Variants in MBIP observed in about 807,000 individuals in gnomAD.
MBIP encodes the protein MAP3K12 binding inhibitory protein 1.
A neutral mutation model predicts 45.7 loss-of-function variants in MBIP; 32 were observed. The observed-to-expected ratio is 0.70, with a 90% CI of 0.53 to 0.94. The LOEUF (loss-of-function observed/expected upper bound fraction) is 0.94, where lower values mean the gene tolerates loss of function less well. Ranked by LOEUF, MBIP falls within the 40% of genes least tolerant of loss-of-function variation. MBIP has a pLI of 0.00. For synonymous variants in MBIP, 145 were observed against 141.0 expected, an observed-to-expected ratio of 1.03 and a Z score of -0.20; for missense variants, 381 against 405.5, an observed-to-expected ratio of 0.94 and a Z score of 0.52.
chr14:36,307,918 T>C, intron 7 of MBIP, 174 bp downstream of exon 7: 1 of 391,566 alleles, frequency 2.6e-6, no homozygotes, highest in Non-Finnish European at 4.5e-6. Flanking sequence ...TTAAAAATAT[T>C]CAGAACCAGA....
rs1045007976 is a variant in MBIP at position 36,312,012 on chromosome 14, G to A, written c.584C>T (p.Ala195Val). ...VIDCNQENSC[A>V]RTDAIFTPYP... ...AGGGGTAAAAATCGCATCAGTTCTT[G>A]CACAACTATTTTCTAAGGAGAATTT... Residue 195 changes from alanine to valine, a missense_variant, in exon 5 of 9, where the codon GCA becomes GTA. Ala to Val is a moderately conservative substitution (Grantham distance 64, BLOSUM62 0). Coordinates refer to ENST00000416007, the MANE Select transcript of MBIP (RefSeq NM_016586.3). 1 of 1,580,240 alleles carries A rather than the reference G, an allele frequency of 6.3e-7. No homozygotes were observed. The highest frequency in any genetic ancestry group is 8.6e-7 in the Non-Finnish European group (1 of 1,163,814).
At chr14:36,309,327 A>G (rs1180672292) in intron 6 of MBIP, among the ~76,000 whole-genome samples, 1 of 152,030 alleles carries the variant, frequency 6.6e-6, no homozygotes, top group African/African-American at 2.4e-5. Context: ...TTTCTGTATT[A>G]TTTGTTTCCC....
chr14:36,311,426 G>A, intron 6 of MBIP, 147 bp downstream of exon 6: 1 of 631,794 alleles, frequency 1.6e-6, no homozygotes, highest in East Asian at 2.8e-5. Context: ...TAAGTGAATT[G>A]ACATACACAT....
chr14:36,314,890 G>A lies in MBIP; in HGVS notation c.275C>T (p.Pro92Leu), dbSNP rs760420589. The change falls in exon 3 of 9, where the codon CCG becomes CTG. Residue 92 changes from proline (P) to leucine (L), a missense_variant. Transcript: ENST00000416007. ...AGCAGTTGTATTCTCCTCTTTAATC[G>A]GAGACTGAAGTTTTGCTAAAAAAGG... ...LQPFLAKLQSPIKEENTTAVE... is the reference protein window; with the variant it reads ...LQPFLAKLQSLIKEENTTAVE... The A allele has an allele frequency of 3.0e-5, 48 of 1,612,288 alleles. No individual in the cohort carries two copies. The highest frequency in any genetic ancestry group is 2.7e-4 in the East Asian group (12 of 44,826).
At chr14:36,312,786 G>T (rs1295062757) in intron 4 of MBIP, among the ~76,000 whole-genome samples, 1 of 137,886 alleles carries the variant, frequency 7.3e-6, no homozygotes. Context: ...ATTAACATAC[G>T]ATACTACATA....
intron 7 of MBIP, among the ~76,000 whole-genome samples, chr14:36,302,441 G>A (rs893745568): frequency 6.1e-5 from 9 of 147,236 alleles, no homozygotes; most frequent in Admixed American, 4.8e-4. Context: ...GCAGTGAGCC[G>A]AGACTGCACC....
rs376202361 is a variant in MBIP, at chr14:36,299,048, C to T, written c.*35G>A. 2 of 1,499,554 alleles carry T rather than the reference C, an allele frequency of 1.3e-6. No individual in the cohort carries two copies. Among genetic ancestry groups the T allele is most frequent in the Non-Finnish European group, 9.3e-7 (1 of 1,076,704 alleles). 92.9% of individuals were successfully genotyped at this position (1,499,554 alleles called of 1,614,324 possible). A position where few individuals can be genotyped will look rare whatever the true frequency, so the allele number is the denominator to read the frequency against. On this transcript the variant is annotated 3_prime_UTR_variant, in exon 9 of 9. Transcript: ENST00000416007. ...ACAGTGTAAGTTACACATATGTATACAAAAAAGTAAAATGACAAGGATGAG... is the reference window on the plus strand; with the variant it reads ...ACAGTGTAAGTTACACATATGTATATAAAAAAGTAAAATGACAAGGATGAG...
In MBIP at chr14:36,303,830, T is replaced by G. The variant is rs143323185; in HGVS notation, c.889-3007A>C. On this transcript the variant is annotated intron_variant, in intron 7 of 8. Transcript: ENST00000416007. Reference sequence around the variant, plus strand: ...CTATGCGTGCAGTATCTAAAATGTTTTTCTTCCCTTCTAGTCCCAGAGCCC... The same window carrying G: ...CTATGCGTGCAGTATCTAAAATGTTGTTCTTCCCTTCTAGTCCCAGAGCCC... 3.5e-3 allele frequency among the ~76,000 whole-genome samples: 529 copies of G among 152,288 alleles called. 1 individual carries two copies. Among genetic ancestry groups the G allele is most frequent in the Middle Eastern group, 6.8e-3 (2 of 294 alleles).
intron 6 of MBIP, among the ~76,000 whole-genome samples, chr14:36,310,436 C>T (rs1880132536): frequency 6.6e-6 from 1 of 152,180 alleles, no homozygotes; most frequent in African/African-American, 2.4e-5. Context: ...CATTAGGATG[C>T]CATCATCCCT....
At chr14:36,315,064 T>A (rs1298651141) in intron 2 of MBIP, 149 bp from the exon 3 acceptor site, 5 of 598,646 alleles carry the variant, frequency 8.4e-6, no homozygotes, top group Non-Finnish European at 1.5e-5. Context: ...GACACATAGA[T>A]CTGACCACAT....
chr14:36,305,659 T>G (rs1879821618), intron 7 of MBIP, among the ~76,000 whole-genome samples: 2 of 152,254 alleles, frequency 1.3e-5, no homozygotes, highest in South Asian at 4.1e-4. Flanking sequence ...CTACACAGAC[T>G]CTCCCAATTG....
At chr14:36,318,064 G>A (rs1880682677) in intron 1 of MBIP, among the ~76,000 whole-genome samples, 1 of 151,984 alleles carries the variant, frequency 6.6e-6, no homozygotes, top group South Asian at 2.1e-4. Flanking sequence ...TATTAAGATT[G>A]TACATTAAAG....
At chr14:36,303,246 C>T (rs577428682) in intron 7 of MBIP, among the ~76,000 whole-genome samples, 1 of 152,246 alleles carries the variant, frequency 6.6e-6, no homozygotes, top group South Asian at 2.1e-4. Context: ...GTTTTGGTAC[C>T]TGAGAGAAAA....
At chr14:36,315,963 C>G (rs985051803) in intron 2 of MBIP, among the ~76,000 whole-genome samples, 14 of 152,068 alleles carry the variant, frequency 9.2e-5, no homozygotes, top group African/African-American at 3.4e-4. Flanking sequence ...CTTTTTGACA[C>G]TTCACATTTT....
Position 36,308,135 on chromosome 14 carries a change from A to AT in MBIP, c.844dup (p.Ile282AsnfsTer3). 1.2e-6 allele frequency: 2 copies of AT among 1,606,616 alleles called. No homozygotes were observed. Among genetic ancestry groups the AT allele is most frequent in the East Asian group, 4.5e-5 (2 of 44,658 alleles). On this transcript the variant is annotated frameshift_variant, in exon 7 of 9. Transcript: ENST00000416007. LOFTEE classifies it high-confidence loss of function. ...AGGAGAGATGCCTTCCAATTCAAGG[A>AT]TTTTATCCTCAAGTTTTTTAATTCT...
intron 8 of MBIP, among the ~76,000 whole-genome samples, chr14:36,300,356 A>T (rs1346717463): frequency 6.6e-6 from 1 of 152,252 alleles, no homozygotes; most frequent in Non-Finnish European, 1.5e-5. Context: ...AAATTCTAGC[A>T]AAGCCTTACT....
intron 7 of MBIP, among the ~76,000 whole-genome samples, chr14:36,304,537 C>G (rs752537112): frequency 6.6e-6 from 1 of 152,150 alleles, no homozygotes; most frequent in Non-Finnish European, 1.5e-5. Context: ...ACTCTAAGAT[C>G]GTTCTTTTAA....
chr14:36,317,072 G>A (rs1363109942), intron 1 of MBIP, among the ~76,000 whole-genome samples: 4 of 152,174 alleles, frequency 2.6e-5, no homozygotes, highest in South Asian at 4.1e-4. Flanking sequence ...CCATTTTAGA[G>A]GTAAAACCAT....
In MBIP at chr14:36,312,734, G is replaced by C. The variant is rs369349881; in HGVS notation, c.572-710C>G. Among the ~76,000 whole-genome samples, 15 of 152,118 alleles carry C rather than the reference G, an allele frequency of 9.9e-5. No individual in the cohort carries two copies. In the East Asian group the frequency reaches 2.5e-3, roughly 25 times the overall value. Reference sequence around the variant, plus strand: ...AATTACAAAAGGGGAAAATTGGAAAGATGTTAACATATAATACAACTAATT... The same window carrying C: ...AATTACAAAAGGGGAAAATTGGAAACATGTTAACATATAATACAACTAATT... On this transcript the variant is annotated intron_variant, in intron 4 of 8. Transcript: ENST00000416007.
Sources: gnomAD v4.1 joint callset for allele counts (sites outside exome capture counted in the v4.1 genomes callset) on GRCh38, gnomAD v4.1.1 for gene constraint, MANE v1.5 for transcripts, NCBI Gene and HGNC (gene_info 2026-07-23, HGNC 2026-07-21) for gene names.